FEZ2: variants seen among roughly 807,000 people sequenced by gnomAD.
The protein encoded by FEZ2 is fasciculation and elongation protein zeta 2.
FEZ2 carries 51 observed loss-of-function variants against 40.4 expected under a neutral mutation model. That is an observed-to-expected ratio of 1.26 (90% CI 1.01 to 1.59). The LOEUF (loss-of-function observed/expected upper bound fraction) is 1.59, where lower values mean the gene tolerates loss of function less well. Among genes scored for constraint, FEZ2 ranks in the 40% most tolerant of loss-of-function variants. The probability of loss-of-function intolerance (pLI) is 0.00; values close to 1 mark genes in which losing one functional copy is unlikely to be tolerated. For missense variants in FEZ2, 640 were observed against 438.3 expected, an observed-to-expected ratio of 1.46 and a Z score of -4.11; for synonymous variants, 242 against 172.0, an observed-to-expected ratio of 1.41 and a Z score of -3.18.
rs1247898012 is a variant in FEZ2, at chr2:36,598,155, C to A, written c.-13G>T. 89 of 1,446,240 alleles carry A rather than the reference C, an allele frequency of 6.2e-5. No homozygotes were observed. The highest frequency in any genetic ancestry group is 8.0e-5 in the Non-Finnish European group (89 of 1,105,992). 89.6% of individuals were successfully genotyped at this position (1,446,240 alleles called of 1,614,324 possible). A position where few individuals can be genotyped will look rare whatever the true frequency, so the allele number is the denominator to read the frequency against. ...CGTCCGCCGCCATCGCCGCCCGGAGCAGTCGCGCGCCCCGCCCAGGCCGGC... is the reference window on the plus strand; with the variant it reads ...CGTCCGCCGCCATCGCCGCCCGGAGAAGTCGCGCGCCCCGCCCAGGCCGGC... On this transcript the variant is annotated 5_prime_UTR_variant, in exon 1 of 8. Transcript: ENST00000405912.
chr2:36,563,172 A>C (rs975896934), intron 5 of FEZ2, among the ~76,000 whole-genome samples: 4 of 152,260 alleles, frequency 2.6e-5, no homozygotes, highest in African/African-American at 9.6e-5. Context: ...AGCCATCTCA[A>C]CTACTGACAG....
At chr2:36,589,192 G>A (rs1339551845) in intron 2 of FEZ2, among the ~76,000 whole-genome samples, 2 of 152,156 alleles carry the variant, frequency 1.3e-5, no homozygotes, top group East Asian at 3.8e-4. Flanking sequence ...ACAATCTAGT[G>A]ACAGACCCAG....
At chr2:36,585,792 A>G (rs1229950049) in intron 2 of FEZ2, among the ~76,000 whole-genome samples, 1 of 152,158 alleles carries the variant, frequency 6.6e-6, no homozygotes, top group Non-Finnish European at 1.5e-5. Flanking sequence ...GGGGAAAGGG[A>G]AGTTTTTGGG....
rs75525076 is a variant in FEZ2, at chr2:36,566,549, T to C, written c.904-8036A>G. On this transcript the variant is annotated intron_variant, in intron 5 of 7. Coordinates refer to ENST00000405912, the MANE Select transcript of FEZ2 (RefSeq NM_005102.3). Reference sequence around the variant, plus strand: ...CCAAAAAGCAAAAACCAGACCAGTATGTAGGAGGCATCTGACTGATAGTCA... The same window carrying C: ...CCAAAAAGCAAAAACCAGACCAGTACGTAGGAGGCATCTGACTGATAGTCA... 1.4e-4 allele frequency among the ~76,000 whole-genome samples: 22 copies of C among 152,322 alleles called. 1 individual carries two copies. In the East Asian group the frequency reaches 3.5e-3, roughly 24 times the overall value.
At chr2:36,591,517 C>T (rs1669071317) in intron 1 of FEZ2, 1 of 152,640 alleles carries the variant, frequency 6.6e-6, no homozygotes, top group Non-Finnish European at 1.5e-5. Flanking sequence ...AAATCTCTCT[C>T]AAACAAAAGG....
At chr2:36,573,455 G>A (rs180879564) in intron 5 of FEZ2, among the ~76,000 whole-genome samples, 1 of 152,142 alleles carries the variant, frequency 6.6e-6, no homozygotes, top group Admixed American at 6.5e-5. Flanking sequence ...ACAGAAGCCT[G>A]GCTCCCCCAA....
At chr2:36,571,289 A>T (rs1474888109) in intron 5 of FEZ2, among the ~76,000 whole-genome samples, 1 of 152,256 alleles carries the variant, frequency 6.6e-6, no homozygotes, top group Non-Finnish European at 1.5e-5. Flanking sequence ...AATGCTTTGC[A>T]CTAAAGAAAA....
rs924393623 is a variant in FEZ2, at chr2:36,569,511, C to T, written c.903+9086G>A. 2.6e-5 allele frequency among the ~76,000 whole-genome samples: 4 copies of T among 152,212 alleles called. No individual in the cohort carries two copies. The South Asian group carries it at 6.2e-4, about 24-fold the overall frequency. On this transcript the variant is annotated intron_variant, in intron 5 of 7. Coordinates refer to ENST00000405912, the MANE Select transcript of FEZ2 (RefSeq NM_005102.3). ...AAAACAAGTTAACACTTAAATAATT[C>T]GGTCTTTCTGAACAATAAAAAGAAA...
At chr2:36,567,260 G>C (rs1336945976) in intron 5 of FEZ2, among the ~76,000 whole-genome samples, 1 of 149,408 alleles carries the variant, frequency 6.7e-6, no homozygotes, top group Non-Finnish European at 1.5e-5. Context: ...TCTTGCAGGA[G>C]AGAAAGAAAA....
At chr2:36,558,298 C>G (rs1431537598) in intron 6 of FEZ2, 140 bp downstream of exon 6, 2 of 466,870 alleles carry the variant, frequency 4.3e-6, no homozygotes, top group Non-Finnish European at 7.6e-6. Context: ...TGGCTTCATT[C>G]TTATAAAAAT....
Position 36,555,739 on chromosome 2 carries a change from G to T in FEZ2, c.989C>A (p.Ala330Asp), listed in dbSNP as rs1264755565. ...AACTTTTTCACTGTCCTCCTTCATG[G>T]CACGAAGAACTGCAAAATAGAAGAG... ...DLQILTKILRAMKEDSEKVPS... is the reference protein window; with the variant it reads ...DLQILTKILRDMKEDSEKVPS... Residue 330 changes from alanine (A) to aspartate (D), a missense_variant, in exon 7 of 8, where the codon GCC (alanine) becomes GAC (aspartate). Physicochemically the swap from Ala to Asp is moderately radical, Grantham distance 126 (BLOSUM62 -2). Coordinates refer to ENST00000405912, the MANE Select transcript of FEZ2 (RefSeq NM_005102.3). 23 of 1,578,380 alleles carry T rather than the reference G, an allele frequency of 1.5e-5. No individual in the cohort carries two copies. The highest frequency in any genetic ancestry group is 2.0e-5 in the Non-Finnish European group (23 of 1,162,098).
intron 5 of FEZ2, 57 bp downstream of exon 5, chr2:36,578,540 G>C: frequency 6.4e-7 from 1 of 1,553,858 alleles, no homozygotes; most frequent in Non-Finnish European, 8.7e-7. Flanking sequence ...CCCAAAGGCT[G>C]GGACTACCAC....
chr2:36,597,695 G>A (rs1016887901), intron 1 of FEZ2, among the ~76,000 whole-genome samples, 182 bp downstream of exon 1: 8 of 152,240 alleles, frequency 5.3e-5, no homozygotes, highest in Non-Finnish European at 1.2e-4. Flanking sequence ...GGCGGCGGGG[G>A]GCAGGGGATT....
chr2:36,570,076 G>A (rs1037287427), intron 5 of FEZ2, among the ~76,000 whole-genome samples: 3 of 151,594 alleles, frequency 2.0e-5, no homozygotes, highest in Non-Finnish European at 4.4e-5. Flanking sequence ...TCAAAATGAG[G>A]AAACAAGTGT....
chr2:36,572,505 A>G (rs1309565058), intron 5 of FEZ2, among the ~76,000 whole-genome samples: 1 of 152,222 alleles, frequency 6.6e-6, no homozygotes. Flanking sequence ...TTTTCTGTCA[A>G]GAGCCAGGCA....
rs1328034404 is a variant in FEZ2, at chr2:36,592,655, A to T, written c.267-1644T>A. On this transcript the variant is annotated intron_variant, in intron 1 of 7. Transcript: ENST00000405912. ...GCCCCACATCTCTACAAAAAAAAAA[A>T]AAAAAAAAAAATTGGCCAGGCCTGT... Among the ~76,000 whole-genome samples, 26 of 151,348 alleles carry T rather than the reference A, an allele frequency of 1.7e-4. 1 individual carries two copies. The South Asian group carries it at 4.8e-3, about 28-fold the overall frequency.
chr2:36,571,912 G>C (rs1226650491), intron 5 of FEZ2, among the ~76,000 whole-genome samples: 1 of 151,294 alleles, frequency 6.6e-6, no homozygotes, highest in Admixed American at 6.6e-5. Flanking sequence ...CTACTCGGGA[G>C]GCTGAGGCAG....
intron 5 of FEZ2, among the ~76,000 whole-genome samples, chr2:36,568,275 C>T (rs1055824200): frequency 2.6e-5 from 4 of 151,876 alleles, no homozygotes; most frequent in African/African-American, 9.7e-5. Context: ...CATACCAAAG[C>T]GCCAACAGAA....
rs1481841523 is a variant in FEZ2 at position 36,554,321 on chromosome 2, G to A, written c.1046-1142C>T. 1.1e-5 allele frequency: 5 copies of A among 470,790 alleles called. No individual in the cohort carries two copies. The East Asian group carries it at 3.5e-4, about 33-fold the overall frequency. The allele number at this position is 470,790 out of a possible 1,614,324, so 29.2% of individuals were successfully genotyped here. A position where few individuals can be genotyped will look rare whatever the true frequency, so the allele number is the denominator to read the frequency against. ...TTTCCCCAGAGGACTCTGTTCTTTG[G>A]GTCATAACATCCTTCCATGCAGTTA... On this transcript the variant is annotated intron_variant, in intron 7 of 7. Coordinates refer to ENST00000405912, the MANE Select transcript of FEZ2 (RefSeq NM_005102.3).
Sources: allele counts gnomAD v4.1 joint callset (sites outside exome capture counted in the v4.1 genomes callset), GRCh38; gene constraint gnomAD v4.1.1; transcripts MANE v1.5; gene names NCBI Gene and HGNC (gene_info 2026-07-23, HGNC 2026-07-21).